Variants in USP35 observed in about 807,000 individuals in gnomAD.
The protein encoded by USP35 is ubiquitin carboxyl-terminal hydrolase 35.
Under a neutral mutation model 83.8 loss-of-function variants are expected in USP35, and 69 were observed. The ratio of observed to expected loss-of-function variants is 0.82; its 90% CI spans 0.68 to 1.01. The LOEUF (loss-of-function observed/expected upper bound fraction) is 1.01, where lower values mean the gene tolerates loss of function less well. Among genes scored for constraint, USP35 ranks in the 50% least tolerant of loss-of-function variants. The probability of loss-of-function intolerance (pLI) is 0.00; values close to 1 mark genes in which losing one functional copy is unlikely to be tolerated. For synonymous variants in USP35, 714 were observed against 589.5 expected, an observed-to-expected ratio of 1.21 and a Z score of -3.06; for missense variants, 1,503 against 1,362.5, an observed-to-expected ratio of 1.10 and a Z score of -1.62.
In USP35 at chr11:78,210,181, G is replaced by A. The variant is rs1352125963; in HGVS notation, c.2326G>A (p.Ala776Thr). The A allele has an allele frequency of 1.2e-6, 2 of 1,613,880 alleles. No homozygotes were observed. The highest frequency in any genetic ancestry group is 1.7e-6 in the Non-Finnish European group (2 of 1,180,010). ...NYFLSPEKLT[A>T]ENRYYCESCA... is the part of the protein sequence containing the mutation. ...CTTCCTGTCCCCCGAGAAGCTGACA[G>A]CAGAAAACCGCTACTACTGCGAGTC... Residue 776 changes from alanine (A) to threonine (T), a missense_variant, in exon 10 of 11, where the codon GCA (alanine) becomes ACA (threonine). By Grantham distance (58) the Ala-to-Thr change is moderately conservative. Coordinates refer to ENST00000529308, the MANE Select transcript of USP35 (RefSeq NM_020798.4).
chr11:78,201,172 C>T (rs1240779830), intron 6 of USP35, among the ~76,000 whole-genome samples: 2 of 152,218 alleles, frequency 1.3e-5, no homozygotes, highest in Non-Finnish European at 2.9e-5. Flanking sequence ...GATGCCTTTC[C>T]TGATCACTCT....
At position 78,210,832 on chromosome 11, in the gene USP35, A is replaced by G. The variant is rs928387599; in HGVS notation, c.2889+88A>G. 5.1e-6 allele frequency: 7 copies of G among 1,366,684 alleles called. No individual in the cohort carries two copies. The Admixed American group carries it at 1.1e-4, about 21-fold the overall frequency. The allele number at this position is 1,366,684 out of a possible 1,614,324, so 84.7% of individuals were successfully genotyped here. A position where few individuals can be genotyped will look rare whatever the true frequency, so the allele number is the denominator to read the frequency against. On this transcript the variant is annotated intron_variant, in intron 10 of 10. Coordinates refer to ENST00000529308, the MANE Select transcript of USP35 (RefSeq NM_020798.4). ...GGCTTAGATAAGTCATTTCCCCTCT[A>G]AGTCTTTTTTGTAAATCCCATTCAT...
chr11:78,212,829 A>T (rs1863842711), intron 10 of USP35, among the ~76,000 whole-genome samples: 1 of 152,134 alleles, frequency 6.6e-6, no homozygotes, highest in Non-Finnish European at 1.5e-5. Flanking sequence ...TCATCTAGAA[A>T]ACCCCATTAA....
the USP35 span, chr11:78,223,542 C>T: frequency 1.9e-6 from 3 of 1,613,710 alleles, no homozygotes; most frequent in African/African-American, 4.0e-5. Context: ...CCCCTGGGCT[C>T]ATTGGGATGT....
downstream of USP35, chr11:78,219,150 A>G: frequency 1.1e-6 from 1 of 950,346 alleles, no homozygotes. Flanking sequence ...AAGTGCTTTG[A>G]AGGCTGAGAC....
At position 78,200,189 on chromosome 11, in the gene USP35, G is replaced by A. The variant is rs369905425; in HGVS notation, c.993G>A (p.Lys331=). The change falls in exon 5 of 11, where the codon AAG becomes AAA. Residue 331 remains lysine, a synonymous_variant. Transcript: ENST00000529308. The part of the protein sequence containing the change: ...IVRGAALSVL[K]YMLLTFQHSH... The stretch of plus-strand genomic sequence containing the variant: ...GGGGAGCTGCCTTGTCTGTGCTCAA[G>A]TACATGCTCCTGACCTTCCAGCACT... The A allele has an allele frequency of 2.5e-6, 4 of 1,614,224 alleles. No individual in the cohort carries two copies. The highest frequency in any genetic ancestry group is 3.4e-6 in the Non-Finnish European group (4 of 1,180,026).
At chr11:78,221,682 G>C in the USP35 span, 1 of 1,606,864 alleles carries the variant, frequency 6.2e-7, no homozygotes, top group Non-Finnish European at 8.5e-7. Flanking sequence ...CTCACCATAG[G>C]GACATAGTTC....
At chr11:78,220,491 A>T in the USP35 span, 3 of 1,516,348 alleles carry the variant, frequency 2.0e-6, no homozygotes, top group South Asian at 3.9e-5. Flanking sequence ...AAAACAGACT[A>T]ACCCACCACC....
chr11:78,229,071 C>T, the USP35 span, among the ~76,000 whole-genome samples: 5 of 152,150 alleles, frequency 3.3e-5, no homozygotes, highest in Non-Finnish European at 7.3e-5. Flanking sequence ...CAGGAGATGA[C>T]ATGGATGCAA....
At chr11:78,225,250 T>A in the USP35 span, 1 of 1,266,848 alleles carries the variant, frequency 7.9e-7, no homozygotes, top group Non-Finnish European at 1.2e-6. Context: ...GATTCATGTG[T>A]TGACACTTAC....
chr11:78,195,080 C>G (rs528839363), intron 1 of USP35, among the ~76,000 whole-genome samples: 1 of 152,098 alleles, frequency 6.6e-6, no homozygotes. Context: ...CCGGTGTGGG[C>G]TGAGGCAGGC....
chr11:78,201,646 C>T (rs1403400879), intron 6 of USP35, among the ~76,000 whole-genome samples: 1 of 152,200 alleles, frequency 6.6e-6, no homozygotes, highest in Non-Finnish European at 1.5e-5. Flanking sequence ...CAGTGACTAA[C>T]ATCTGTGGCT....
intron 1 of USP35, among the ~76,000 whole-genome samples, chr11:78,191,577 G>C (rs1350027688): frequency 6.6e-6 from 1 of 152,194 alleles, no homozygotes; most frequent in Non-Finnish European, 1.5e-5. Flanking sequence ...TAGGACACAT[G>C]CCTCTGTTGG....
At chr11:78,205,049 C>T (rs938085698) in intron 6 of USP35, among the ~76,000 whole-genome samples, 58 of 152,162 alleles carry the variant, frequency 3.8e-4, no homozygotes, top group African/African-American at 1.2e-3. Flanking sequence ...CTCTAAGTAG[C>T]GGGATGTGGT....
chr11:78,221,503 C>A, the USP35 span, among the ~76,000 whole-genome samples: 1 of 152,140 alleles, frequency 6.6e-6, no homozygotes, highest in African/African-American at 2.4e-5. Context: ...GATGACAACT[C>A]CTACTGCTTG....
At chr11:78,203,882 T>C (rs1863441352) in intron 6 of USP35, among the ~76,000 whole-genome samples, 1 of 141,836 alleles carries the variant, frequency 7.1e-6, no homozygotes, top group African/African-American at 2.6e-5. Flanking sequence ...CCAGCCCATA[T>C]TTTTCTTTTC....
Position 78,200,690 on chromosome 11 carries a change from A to AG in USP35, c.1081dup (p.Glu361GlyfsTer32). The stretch of plus-strand genomic sequence containing the variant: ...CCCCCCATGGTGGCCTCTCTGGTCA[A>AG]GGAGGACTCGAACTCGGGGACCAGC... On this transcript the variant is annotated frameshift_variant, in exon 6 of 11. Coordinates refer to ENST00000529308, the MANE Select transcript of USP35 (RefSeq NM_020798.4). LOFTEE classifies it high-confidence loss of function. 3.7e-6 allele frequency: 6 copies of AG among 1,614,008 alleles called. No individual in the cohort carries two copies. The highest frequency in any genetic ancestry group is 5.1e-6 in the Non-Finnish European group (6 of 1,179,942).
At position 78,214,869 on chromosome 11, in the gene USP35, C is replaced by A. The variant is rs1050189477; in HGVS notation, c.*1056C>A. Among the ~76,000 whole-genome samples the A allele has an allele frequency of 7.1e-6, 1 of 140,898 alleles. No homozygotes were observed. Among genetic ancestry groups the A allele is most frequent in the African/African-American group, 2.9e-5 (1 of 34,752 alleles). The allele number at this position is 140,898 out of a possible 152,430, so 92.4% of individuals were successfully genotyped here. A position where few individuals can be genotyped will look rare whatever the true frequency, so the allele number is the denominator to read the frequency against. On this transcript the variant is annotated 3_prime_UTR_variant, in exon 11 of 11. Transcript: ENST00000529308. ...TCTACTGAAGTGGGGTGTAAGTAAA[C>A]GTGTGGACTGACTGACTTACTTACC...
chr11:78,228,773 T>C, the USP35 span, among the ~76,000 whole-genome samples: 432 of 135,398 alleles, frequency 3.2e-3, 2 homozygotes, highest in African/African-American at 0.012. Context: ...CCAACAGCCA[T>C]GGGCTTGGAT....
Sources: allele counts gnomAD v4.1 joint callset (sites outside exome capture counted in the v4.1 genomes callset), GRCh38; gene constraint gnomAD v4.1.1; transcripts MANE v1.5; gene names NCBI Gene and HGNC (gene_info 2026-07-23, HGNC 2026-07-21).